Variants in KRT7 observed in about 807,000 individuals in gnomAD.
The protein encoded by KRT7 is keratin 7.
Under a neutral mutation model 42.8 loss-of-function variants are expected in KRT7, and 50 were observed. The ratio of observed to expected loss-of-function variants is 1.17; its 90% CI spans 0.93 to 1.48. The LOEUF (loss-of-function observed/expected upper bound fraction) is 1.48. Among genes scored for constraint, KRT7 ranks in the 40% most tolerant of loss-of-function variants. The pLI, the probability that KRT7 is intolerant of heterozygous loss-of-function variation, is 0.00. For synonymous variants in KRT7, 268 were observed against 266.3 expected, an observed-to-expected ratio of 1.01 and a Z score of -0.06; for missense variants, 588 against 637.6, an observed-to-expected ratio of 0.92 and a Z score of 0.84.
downstream of KRT7, chr12:52,252,086 T>G: frequency 1.2e-6 from 1 of 849,828 alleles, no homozygotes; most frequent in Non-Finnish European, 1.9e-6. Context: ...GAGACAGAAA[T>G]TAGTTGTGGG....
intron 1 of KRT7, among the ~76,000 whole-genome samples, chr12:52,233,981 G>A (rs999011613): frequency 5.3e-5 from 8 of 152,206 alleles, no homozygotes; most frequent in African/African-American, 1.9e-4. Flanking sequence ...TTCTCTCTCT[G>A]GGACCCTTTC....
rs1242127134 is a variant in KRT7, at chr12:52,238,672, AC to A, written c.598-3del. 3.1e-6 allele frequency: 5 copies of A among 1,602,946 alleles called. No individual in the cohort carries two copies. The highest frequency in any genetic ancestry group is 4.3e-6 in the Non-Finnish European group (5 of 1,169,894). On this transcript the variant is annotated splice_polypyrimidine_tract_variant and splice_region_variant and intron_variant, in intron 3 of 8. Transcript: ENST00000331817. The stretch of plus-strand genomic sequence containing the variant: ...TCTCCCTCTGCCCCATCTTGCCCCA[AC>A]CCCCAGGATGTGGATGCTGCCTACA...
At chr12:52,237,164 C>T (rs1246934951) in intron 2 of KRT7, among the ~76,000 whole-genome samples, 3 of 152,192 alleles carry the variant, frequency 2.0e-5, no homozygotes, top group Non-Finnish European at 4.4e-5. Context: ...GAAATGAGCT[C>T]ATGCATAAGA....
At chr12:52,253,491 A>G (rs112675364), downstream of KRT7, 320 of 1,555,280 alleles carry the variant, frequency 2.1e-4, no homozygotes, top group African/African-American at 4.0e-3. Context: ...GGCAGCCCTT[A>G]TCTTCCCATC....
downstream of KRT7, chr12:52,252,326 G>C (rs752821837): frequency 6.2e-7 from 1 of 1,614,074 alleles, no homozygotes; most frequent in African/African-American, 1.3e-5. Flanking sequence ...CCAGCTTGGA[G>C]TTCATCACCT....
chr12:52,239,004 G>A (rs1942046932), intron 4 of KRT7, among the ~76,000 whole-genome samples: 1 of 152,208 alleles, frequency 6.6e-6, no homozygotes, highest in Non-Finnish European at 1.5e-5. Context: ...GCCCAGCACA[G>A]CCACAACAAG....
chr12:52,244,274 G>A (rs1470554167), intron 6 of KRT7: 2 of 972,318 alleles, frequency 2.1e-6, no homozygotes, highest in Non-Finnish European at 1.2e-6. Flanking sequence ...CATGAAGTGG[G>A]CCAGCTTCCA....
At chr12:52,237,318 A>G (rs1017563249) in intron 2 of KRT7, among the ~76,000 whole-genome samples, 191 bp from the exon 3 acceptor site, 7 of 151,922 alleles carry the variant, frequency 4.6e-5, no homozygotes, top group Non-Finnish European at 8.8e-5. Context: ...CCATGCCAAG[A>G]CTCAAAGCCC....
intron 2 of KRT7, among the ~76,000 whole-genome samples, chr12:52,236,612 T>C (rs561881222): frequency 6.6e-6 from 1 of 152,282 alleles, no homozygotes; most frequent in Admixed American, 6.5e-5. Flanking sequence ...GAGTGCAACT[T>C]TGAGGGTATG....
downstream of KRT7, chr12:52,249,007 C>A: frequency 2.8e-6 from 1 of 356,998 alleles, no homozygotes; most frequent in Non-Finnish European, 5.0e-6. Flanking sequence ...ACTAGGAAGC[C>A]TTTTGTGCAG....
At chr12:52,254,722 G>A (rs1942316505), downstream of KRT7, among the ~76,000 whole-genome samples, 1 of 152,140 alleles carries the variant, frequency 6.6e-6, no homozygotes, top group Non-Finnish European at 1.5e-5. Flanking sequence ...GGAATCTCAT[G>A]GAAGATAATC....
At position 52,233,569 on chromosome 12, in the gene KRT7, G is replaced by C. The variant is rs778460067; in HGVS notation, c.273G>C (p.Glu91Asp). ...DPSLQRVRQE[E>D]SEQIKTLNNK... ...CCCTCCAGCGGGTGCGCCAGGAGGA[G>C]AGCGAGCAGATCAAGACCCTCAACA... The change falls in exon 1 of 9, where the codon GAG (glutamate) becomes GAC (aspartate). Residue 91 changes from glutamate (E) to aspartate (D), a missense_variant. Coordinates refer to ENST00000331817, the MANE Select transcript of KRT7 (RefSeq NM_005556.4). 1.5e-5 allele frequency: 24 copies of C among 1,613,116 alleles called. No homozygotes were observed. The highest frequency in any genetic ancestry group is 2.2e-5 in the South Asian group (2 of 91,062).
intron 6 of KRT7, chr12:52,244,385 C>T (rs1450926427): frequency 1.0e-6 from 1 of 985,670 alleles, no homozygotes; most frequent in Non-Finnish European, 1.2e-6. Context: ...GGATCCAGGC[C>T]TATAGCCAGG....
chr12:52,255,532 G>A, downstream of KRT7: 1 of 429,572 alleles, frequency 2.3e-6, no homozygotes, highest in African/African-American at 2.0e-5. Context: ...AAAAAGTGTT[G>A]GACTGAAGGG....
At chr12:52,242,314 G>A (rs1202819113) in intron 5 of KRT7, among the ~76,000 whole-genome samples, 1 of 152,202 alleles carries the variant, frequency 6.6e-6, no homozygotes, top group African/African-American at 2.4e-5. Flanking sequence ...GGCACAGAGA[G>A]GTTAAGTAAT....
chr12:52,238,599 C>A, intron 3 of KRT7, 81 bp from the exon 4 acceptor site: 1 of 847,032 alleles, frequency 1.2e-6, no homozygotes, highest in South Asian at 1.4e-5. Context: ...TTGGACAGGG[C>A]AGGCCTGCTT....
At chr12:52,252,796 A>G (rs1565726126), downstream of KRT7, among the ~76,000 whole-genome samples, 1 of 152,166 alleles carries the variant, frequency 6.6e-6, no homozygotes, top group Non-Finnish European at 1.5e-5. Context: ...CATAGTCCCT[A>G]TCATACCCAA....
At chr12:52,250,771 C>T, downstream of KRT7, 2 of 401,340 alleles carry the variant, frequency 5.0e-6, no homozygotes, top group Non-Finnish European at 9.4e-6. Flanking sequence ...CAGTCTTAGC[C>T]TCAGGCGTCC....
At chr12:52,245,248 T>C (rs2121099529) in intron 6 of KRT7, 164 bp from the exon 7 acceptor site, 2 of 668,592 alleles carry the variant, frequency 3.0e-6, no homozygotes, top group East Asian at 5.6e-5. Flanking sequence ...AGGCGTTGGA[T>C]ATCCAAACCT....
Sources: gnomAD v4.1 joint callset for allele counts (sites outside exome capture counted in the v4.1 genomes callset) on GRCh38, gnomAD v4.1.1 for gene constraint, MANE v1.5 for transcripts, NCBI Gene and HGNC (gene_info 2026-07-23, HGNC 2026-07-21) for gene names.